The following TAFA1 variants were observed in gnomAD, a reference collection of about 807,000 sequenced individuals.
TAFA1 encodes TAFA chemokine like family member 1.
A neutral mutation model predicts 18.5 loss-of-function variants in TAFA1; 4 were observed. That is an observed-to-expected ratio of 0.22 (90% CI 0.11 to 0.49). The LOEUF (loss-of-function observed/expected upper bound fraction) is 0.49. TAFA1 is among the 20% of genes least tolerant of loss of function. The pLI, the probability that TAFA1 is intolerant of heterozygous loss-of-function variation, is 0.98. For synonymous variants in TAFA1, 56 were observed against 55.2 expected, an observed-to-expected ratio of 1.01 and a Z score of -0.06; for missense variants, 147 against 169.0, an observed-to-expected ratio of 0.87 and a Z score of 0.72.
At chr3:68,325,984 C>T (rs764938682) in intron 2 of TAFA1, among the ~76,000 whole-genome samples, 5 of 152,156 alleles carry the variant, frequency 3.3e-5, no homozygotes, top group Non-Finnish European at 7.4e-5. Context: ...GGACTCATTA[C>T]AGGGCAGCAG....
At chr3:68,363,706 G>A (rs950365695) in intron 2 of TAFA1, among the ~76,000 whole-genome samples, 3 of 152,002 alleles carry the variant, frequency 2.0e-5, no homozygotes, top group East Asian at 1.9e-4. Flanking sequence ...GACTCATCCC[G>A]GTTCTTTTTA....
intron 3 of TAFA1, among the ~76,000 whole-genome samples, chr3:68,483,299 G>GAGTC (rs11283655): frequency 6.6e-6 from 1 of 151,340 alleles, no homozygotes; most frequent in Non-Finnish European, 1.5e-5. Flanking sequence ...TGTTGACCAA[G>GAGTC]TATGGTCTCT....
In TAFA1 at chr3:68,268,512, G is replaced by A. The variant is rs539552711; in HGVS notation, c.119-148768G>A. Among the ~76,000 whole-genome samples the A allele has an allele frequency of 1.2e-3, 178 of 152,082 alleles. 3 individuals carry two copies. The South Asian group carries it at 0.036, about 31-fold the overall frequency. ...CTGTGATATTTGACCTCTTTTTGAT[G>A]GGTATTATCATCATTTTTTCTCCCC... On this transcript the variant is annotated intron_variant, in intron 2 of 4. Coordinates refer to ENST00000478136, the MANE Select transcript of TAFA1 (RefSeq NM_213609.4).
intron 3 of TAFA1, among the ~76,000 whole-genome samples, chr3:68,524,873 G>A (rs990038673): frequency 6.6e-6 from 1 of 151,998 alleles, no homozygotes; most frequent in Admixed American, 6.6e-5. Context: ...GGATTTCACA[G>A]TGTTAGCCAG....
chr3:68,531,258 GA>G (rs1553700730), intron 3 of TAFA1, among the ~76,000 whole-genome samples: 1 of 152,162 alleles, frequency 6.6e-6, no homozygotes, highest in Non-Finnish European at 1.5e-5. Context: ...TGCCTCCTCA[GA>G]AGAAAGAATT....
intron 2 of TAFA1, among the ~76,000 whole-genome samples, chr3:68,235,953 A>G (rs1294893779): frequency 6.6e-6 from 1 of 152,142 alleles, no homozygotes; most frequent in Non-Finnish European, 1.5e-5. Flanking sequence ...ACCATTCTAG[A>G]CTTTTCCACC....
At chr3:68,169,156 T>C (rs904349923) in intron 2 of TAFA1, among the ~76,000 whole-genome samples, 3 of 152,218 alleles carry the variant, frequency 2.0e-5, no homozygotes, top group Non-Finnish European at 4.4e-5. Context: ...GTATGACTGA[T>C]TGAATATGCC....
Position 68,155,071 on chromosome 3 carries a change from C to G in TAFA1, c.118+148327C>G, listed in dbSNP as rs114241556. Among the ~76,000 whole-genome samples, 1,062 of 152,266 alleles carry G rather than the reference C, an allele frequency of 7.0e-3. 12 individuals are homozygous for G. Among genetic ancestry groups the G allele is most frequent in the African/African-American group, 0.024 (1,018 of 41,564 alleles). ...GTCAGGCCCATGCCTTATTAACAAACCAATCCTATGAGTTAAGTAACATTT... is the reference window on the plus strand; with the variant it reads ...GTCAGGCCCATGCCTTATTAACAAAGCAATCCTATGAGTTAAGTAACATTT... On this transcript the variant is annotated intron_variant, in intron 2 of 4. Transcript: ENST00000478136.
intron 2 of TAFA1, among the ~76,000 whole-genome samples, chr3:68,078,993 G>T (rs1042653752): frequency 6.6e-6 from 1 of 152,214 alleles, no homozygotes; most frequent in African/African-American, 2.4e-5. Context: ...TTCAGAGCCT[G>T]TTATTGGTCT....
chr3:68,099,347 T>C (rs180724230), intron 2 of TAFA1, among the ~76,000 whole-genome samples: 4 of 152,146 alleles, frequency 2.6e-5, no homozygotes, highest in African/African-American at 9.6e-5. Context: ...GAAAAGGACA[T>C]GAACAGACAC....
intron 2 of TAFA1, among the ~76,000 whole-genome samples, chr3:68,079,884 C>T (rs1447562783): frequency 6.6e-6 from 1 of 151,902 alleles, no homozygotes; most frequent in Non-Finnish European, 1.5e-5. Context: ...CTTTCTGTCC[C>T]GTTGATCTGT....
At chr3:68,519,128 C>T (rs1168252002) in intron 3 of TAFA1, among the ~76,000 whole-genome samples, 1 of 152,132 alleles carries the variant, frequency 6.6e-6, no homozygotes, top group Non-Finnish European at 1.5e-5. Context: ...GTCTCCCCCA[C>T]CCTCAATTCG....
At chr3:68,174,013 A>T (rs1256352538) in intron 2 of TAFA1, among the ~76,000 whole-genome samples, 1 of 152,250 alleles carries the variant, frequency 6.6e-6, no homozygotes, top group Non-Finnish European at 1.5e-5. Flanking sequence ...CAGTGCAATG[A>T]TAACTAAAAC....
chr3:68,498,592 C>G (rs755610215), intron 3 of TAFA1, among the ~76,000 whole-genome samples: 2 of 151,878 alleles, frequency 1.3e-5, no homozygotes, highest in South Asian at 2.1e-4. Flanking sequence ...TTACAGAGCC[C>G]AAGATGTCAC....
intron 3 of TAFA1, among the ~76,000 whole-genome samples, chr3:68,476,069 C>G (rs1380749962): frequency 1.3e-5 from 2 of 152,038 alleles, no homozygotes; most frequent in East Asian, 3.9e-4. Flanking sequence ...AGCCCTTTGT[C>G]AGTTGAGTAG....
At chr3:68,435,336 G>T (rs1422218569) in intron 3 of TAFA1, among the ~76,000 whole-genome samples, 1 of 152,110 alleles carries the variant, frequency 6.6e-6, no homozygotes, top group African/African-American at 2.4e-5. Context: ...AGTGAGACTG[G>T]AAATCTCATT....
At chr3:68,174,843 C>T (rs1247921520) in intron 2 of TAFA1, among the ~76,000 whole-genome samples, 1 of 152,202 alleles carries the variant, frequency 6.6e-6, no homozygotes, top group Non-Finnish European at 1.5e-5. Flanking sequence ...TGGGGAAAAT[C>T]TCCCCAGGGT....
At chr3:68,408,914 G>C (rs1156800588) in intron 2 of TAFA1, among the ~76,000 whole-genome samples, 1 of 152,138 alleles carries the variant, frequency 6.6e-6, no homozygotes, top group East Asian at 1.9e-4. Context: ...ACAAGTGCCA[G>C]ATTTCAAGCT....
chr3:68,386,128 G>C (rs1262422194), intron 2 of TAFA1, among the ~76,000 whole-genome samples: 3 of 152,016 alleles, frequency 2.0e-5, no homozygotes, highest in South Asian at 4.1e-4. Flanking sequence ...ACAAGACATT[G>C]TGCCAAATTT....
Sources: gnomAD v4.1 joint callset for allele counts (sites outside exome capture counted in the v4.1 genomes callset) on GRCh38, gnomAD v4.1.1 for gene constraint, MANE v1.5 for transcripts, NCBI Gene and HGNC (gene_info 2026-07-23, HGNC 2026-07-21) for gene names.